The following ADAMTS17 variants were observed in gnomAD, a reference collection of about 807,000 sequenced individuals.
The protein encoded by ADAMTS17 is ADAM metallopeptidase with thrombospondin type 1 motif 17, also known as A disintegrin and metalloproteinase with thrombospondin motifs 17.
In ADAMTS17, 113 loss-of-function variants were observed where a neutral mutation model predicts 141.5. The ratio of observed to expected loss-of-function variants is 0.80; its 90% CI spans 0.69 to 0.93. The LOEUF is 0.93. Among genes scored for constraint, ADAMTS17 ranks in the 40% least tolerant of loss-of-function variants. The pLI is 0.00. For missense variants in ADAMTS17, 1,659 were observed against 1,517.9 expected, an observed-to-expected ratio of 1.09 and a Z score of -1.54; for synonymous variants, 768 against 630.6, an observed-to-expected ratio of 1.22 and a Z score of -3.27.
intron 10 of ADAMTS17, among the ~76,000 whole-genome samples, chr15:100,135,543 A>G (rs569360044): frequency 2.6e-5 from 4 of 152,300 alleles, no homozygotes; most frequent in African/African-American, 9.6e-5. Flanking sequence ...TCAGTCTCCC[A>G]AAGTGCTGGG....
At chr15:100,331,923 C>T (rs1048223328) in intron 2 of ADAMTS17, among the ~76,000 whole-genome samples, 4 of 152,286 alleles carry the variant, frequency 2.6e-5, no homozygotes, top group South Asian at 2.1e-4. Context: ...CCCCACCACA[C>T]GCAGAGCTAA....
At chr15:100,047,445 C>T (rs895817827) in intron 18 of ADAMTS17, among the ~76,000 whole-genome samples, 6 of 151,702 alleles carry the variant, frequency 4.0e-5, no homozygotes, top group East Asian at 3.9e-4. Context: ...GGGGGCATCA[C>T]GGAACCTGCT....
chr15:100,278,676 A>G (rs970705221), intron 4 of ADAMTS17, among the ~76,000 whole-genome samples: 1 of 152,206 alleles, frequency 6.6e-6, no homozygotes, highest in Admixed American at 6.5e-5. Flanking sequence ...ATGTCCCGAA[A>G]GCCAGTCCTG....
chr15:100,271,123 A>G (rs1420700953), intron 4 of ADAMTS17, among the ~76,000 whole-genome samples: 7 of 152,240 alleles, frequency 4.6e-5, no homozygotes, highest in African/African-American at 9.6e-5. Context: ...CCTATACGCT[A>G]TATTTATTTA....
rs1262764431 is a variant in ADAMTS17 at position 99,997,044 on chromosome 15, C to G, written c.2796+341G>C. 6.6e-6 allele frequency among the ~76,000 whole-genome samples: 1 copy of G among 152,188 alleles called. No individual in the cohort carries two copies. Among genetic ancestry groups the G allele is most frequent in the Non-Finnish European group, 1.5e-5 (1 of 68,044 alleles). ...GATTAAAGGCAAACCTTTGAAACCA[C>G]CTTCCCAGCCTGAGCACACCACAGT... On this transcript the variant is annotated intron_variant, in intron 19 of 21. Transcript: ENST00000268070. The surrounding 1 kb of genome is among the most constrained non-coding windows in gnomAD (Gnocchi z 4.7).
intron 3 of ADAMTS17, among the ~76,000 whole-genome samples, chr15:100,323,981 G>A (rs1390709495): frequency 6.6e-6 from 1 of 151,492 alleles, no homozygotes; most frequent in Non-Finnish European, 1.5e-5. Context: ...AGTGGGTGGA[G>A]GGGAGAACGC....
chr15:100,228,216 G>A (rs1596320491), intron 7 of ADAMTS17, among the ~76,000 whole-genome samples: 1 of 152,176 alleles, frequency 6.6e-6, no homozygotes, highest in South Asian at 2.1e-4. Context: ...TCGGATCCTA[G>A]CCTTGATGTT....
At chr15:100,133,042 G>C (rs565854787) in intron 11 of ADAMTS17, among the ~76,000 whole-genome samples, 172 bp downstream of exon 11, 100 of 152,360 alleles carry the variant, frequency 6.6e-4, no homozygotes, top group Non-Finnish European at 1.1e-3. Flanking sequence ...AAAGGAATGA[G>C]GTGATGTAGG....
chr15:100,086,099 C>T lies in ADAMTS17; in HGVS notation c.2137+10257G>A, dbSNP rs376639730. On this transcript the variant is annotated intron_variant, in intron 15 of 21. Coordinates refer to ENST00000268070, the MANE Select transcript of ADAMTS17 (RefSeq NM_139057.4). ...CCATCAGTGTGCTGTATTCAGGAAA[C>T]CCACCTCATGTGCAGAGACACACAT... is the stretch of plus-strand genomic sequence containing the variant. Among the ~76,000 whole-genome samples the T allele has an allele frequency of 1.6e-4, 25 of 152,020 alleles. No individual in the cohort carries two copies. The South Asian group carries it at 4.2e-3, about 25-fold the overall frequency.
At chr15:100,076,743 CTT>C (rs1363091863) in intron 15 of ADAMTS17, among the ~76,000 whole-genome samples, 2 of 152,146 alleles carry the variant, frequency 1.3e-5, no homozygotes, top group African/African-American at 2.4e-5. Context: ...TACAAATACA[CTT>C]GAGTATACTT....
At chr15:100,215,421 GAAGGAACC>G (rs2041939982) in intron 7 of ADAMTS17, among the ~76,000 whole-genome samples, 1 of 152,222 alleles carries the variant, frequency 6.6e-6, no homozygotes, top group Non-Finnish European at 1.5e-5. Flanking sequence ...TGTCATGGCA[GAAGGAACC>G]TCACTGCTAG....
At chr15:100,095,891 A>C (rs932445007) in intron 15 of ADAMTS17, among the ~76,000 whole-genome samples, 2 of 152,258 alleles carry the variant, frequency 1.3e-5, no homozygotes, top group African/African-American at 4.8e-5. Flanking sequence ...CACAGCTGGC[A>C]GTGGCACCTG....
intron 8 of ADAMTS17, among the ~76,000 whole-genome samples, chr15:100,177,304 G>C (rs2141504317): frequency 6.6e-6 from 1 of 152,260 alleles, no homozygotes; most frequent in Non-Finnish European, 1.5e-5. Flanking sequence ...TTCCCTCTCA[G>C]CACTGCTCTA....
chr15:100,235,469 G>T (rs113718553), intron 7 of ADAMTS17, among the ~76,000 whole-genome samples: 1 of 152,034 alleles, frequency 6.6e-6, no homozygotes, highest in Non-Finnish European at 1.5e-5. Flanking sequence ...CCTGTCTCAG[G>T]TGCTGCCCAC....
At chr15:100,171,409 C>A (rs1171250818) in intron 8 of ADAMTS17, among the ~76,000 whole-genome samples, 1 of 152,182 alleles carries the variant, frequency 6.6e-6, no homozygotes, top group Non-Finnish European at 1.5e-5. Flanking sequence ...CTCCTCCATC[C>A]CACCTCGCAG....
chr15:99,984,657 T>C (rs2060549371), intron 20 of ADAMTS17, among the ~76,000 whole-genome samples: 1 of 152,090 alleles, frequency 6.6e-6, no homozygotes. Flanking sequence ...ACCCCTAAAC[T>C]CATCTGATGG....
intron 18 of ADAMTS17, among the ~76,000 whole-genome samples, chr15:100,043,313 T>C (rs191247466): frequency 1.1e-4 from 16 of 152,286 alleles, no homozygotes; most frequent in African/African-American, 3.4e-4. Flanking sequence ...ATTCTTTAAG[T>C]CTGATTCACA....
rs148898769 is a variant in ADAMTS17 at position 100,046,276 on chromosome 15, G to A, written c.2591+2581C>T. On this transcript the variant is annotated intron_variant, in intron 18 of 21. Transcript: ENST00000268070. ...CTGGTCCAATATAAGCTACTCTATC[G>A]TTACAGGAAGCAGAATCCTTTATTT... Among the ~76,000 whole-genome samples, 522 of 152,218 alleles carry A rather than the reference G, an allele frequency of 3.4e-3. 4 individuals carry two copies. The highest frequency in any genetic ancestry group is 0.011 in the African/African-American group (459 of 41,532).
chr15:100,061,545 T>C (rs892898597), intron 15 of ADAMTS17, among the ~76,000 whole-genome samples: 5 of 152,178 alleles, frequency 3.3e-5, no homozygotes, highest in African/African-American at 7.2e-5. Flanking sequence ...AAAGTGAATG[T>C]GAGTGAAAGG....
Sources: gnomAD v4.1 joint callset for allele counts (sites outside exome capture counted in the v4.1 genomes callset) on GRCh38, gnomAD v4.1.1 for gene constraint, Gnocchi (gnomAD v3.1) non-coding constraint, MANE v1.5 for transcripts, NCBI Gene and HGNC (gene_info 2026-07-23, HGNC 2026-07-21) for gene names.